UBASH3B: variants seen among roughly 807,000 people sequenced by gnomAD.
The protein encoded by UBASH3B is ubiquitin associated and SH3 domain containing B, also known as ubiquitin-associated and SH3 domain-containing protein B.
In UBASH3B, 37 loss-of-function variants were observed where a neutral mutation model predicts 83.4. That is an observed-to-expected ratio of 0.44 (90% CI 0.34 to 0.58). UBASH3B has a LOEUF of 0.58. Ranked by LOEUF, UBASH3B falls within the 20% of genes least tolerant of loss-of-function variation. UBASH3B has a pLI of 0.01. For synonymous variants in UBASH3B, 304 were observed against 318.3 expected, an observed-to-expected ratio of 0.96 and a Z score of 0.48; for missense variants, 657 against 827.2, an observed-to-expected ratio of 0.79 and a Z score of 2.52.
intron 1 of UBASH3B, among the ~76,000 whole-genome samples, chr11:122,728,809 A>G (rs982152558): frequency 2.0e-5 from 3 of 152,260 alleles, no homozygotes; most frequent in Admixed American, 1.3e-4. Flanking sequence ...AACATCTAGC[A>G]CAGGGGCAGA....
intron 6 of UBASH3B, among the ~76,000 whole-genome samples, chr11:122,792,311 TC>T (rs1261432032): frequency 1.3e-5 from 2 of 148,266 alleles, no homozygotes; most frequent in African/African-American, 2.5e-5. Flanking sequence ...TTTTTTTTTT[TC>T]TTTTTTTTTT....
chr11:122,696,413 C>T (rs933289668), intron 1 of UBASH3B, among the ~76,000 whole-genome samples: 3 of 150,452 alleles, frequency 2.0e-5, no homozygotes, highest in South Asian at 2.1e-4. Flanking sequence ...CGGGTTCAAG[C>T]GATTCTCCTG....
intron 1 of UBASH3B, among the ~76,000 whole-genome samples, chr11:122,727,768 C>T (rs775050438): frequency 2.0e-5 from 3 of 152,158 alleles, no homozygotes; most frequent in African/African-American, 4.8e-5. Context: ...CTTGGCAATG[C>T]GGAACTCAGT....
intron 7 of UBASH3B, 85 bp downstream of exon 7, chr11:122,794,919 G>A: frequency 3.2e-6 from 5 of 1,562,404 alleles, no homozygotes; most frequent in Non-Finnish European, 3.5e-6. Flanking sequence ...CCTTGCCCTT[G>A]CTGTCTCCAA....
intron 1 of UBASH3B, among the ~76,000 whole-genome samples, chr11:122,728,135 G>A (rs1192361364): frequency 6.6e-6 from 1 of 152,158 alleles, no homozygotes; most frequent in Non-Finnish European, 1.5e-5. Context: ...ACCACACCCG[G>A]CCTTAGCCCA....
At chr11:122,683,924 G>A (rs1241403943) in intron 1 of UBASH3B, among the ~76,000 whole-genome samples, 1 of 152,090 alleles carries the variant, frequency 6.6e-6, no homozygotes, top group East Asian at 1.9e-4. Context: ...CCATAGCCCA[G>A]ATTATGCTGA....
intron 1 of UBASH3B, among the ~76,000 whole-genome samples, chr11:122,705,035 G>A (rs943861298): frequency 2.6e-5 from 4 of 152,160 alleles, no homozygotes; most frequent in Non-Finnish European, 5.9e-5. Context: ...GCACTAACCT[G>A]GCCAACATAT....
At chr11:122,728,239 A>ACGTGG (rs1860779202) in intron 1 of UBASH3B, among the ~76,000 whole-genome samples, 2 of 152,058 alleles carry the variant, frequency 1.3e-5, no homozygotes, top group Admixed American at 1.3e-4. Flanking sequence ...GGGAATATTT[A>ACGTGG]GCCGTCCACG....
intron 1 of UBASH3B, among the ~76,000 whole-genome samples, chr11:122,683,594 G>A (rs2135911504): frequency 1.1e-5 from 1 of 87,026 alleles, no homozygotes; most frequent in East Asian, 3.3e-4. Context: ...GACAGAGCGA[G>A]ACTCCTTCTC....
At chr11:122,721,011 C>T (rs988018641) in intron 1 of UBASH3B, among the ~76,000 whole-genome samples, 5 of 151,728 alleles carry the variant, frequency 3.3e-5, no homozygotes, top group Non-Finnish European at 5.9e-5. Flanking sequence ...TTTGGGAGGC[C>T]GAGGTGGGCA....
In UBASH3B at chr11:122,778,569, T is replaced by C. The variant is rs201572490; in HGVS notation, c.403-928T>C. Reference sequence around the variant, plus strand: ...ACATTCCTTCATTTTTTTTTTTTTTTCACAAGCAAGGAGAACTTTGATTTT... The same window carrying C: ...ACATTCCTTCATTTTTTTTTTTTTTCCACAAGCAAGGAGAACTTTGATTTT... On this transcript the variant is annotated intron_variant, in intron 3 of 13. Coordinates refer to ENST00000284273, the MANE Select transcript of UBASH3B (RefSeq NM_032873.5). Among the ~76,000 whole-genome samples, 458 of 151,236 alleles carry C rather than the reference T, an allele frequency of 3.0e-3. 4 individuals are homozygous for C. Among genetic ancestry groups the C allele is most frequent in the East Asian group, 0.019 (97 of 5,164 alleles).
intron 4 of UBASH3B, 108 bp from the exon 5 acceptor site, chr11:122,782,945 T>A: frequency 1.5e-6 from 2 of 1,325,066 alleles, no homozygotes; most frequent in South Asian, 2.9e-5. Flanking sequence ...TTCTTTGTTA[T>A]GTGGGAAGCA....
intron 3 of UBASH3B, among the ~76,000 whole-genome samples, chr11:122,778,037 A>G (rs556671899): frequency 1.3e-5 from 2 of 152,156 alleles, no homozygotes; most frequent in Non-Finnish European, 2.9e-5. Flanking sequence ...GCCTCTACTG[A>G]CCAAATATAA....
At chr11:122,704,110 G>T (rs1565535187) in intron 1 of UBASH3B, among the ~76,000 whole-genome samples, 1 of 152,216 alleles carries the variant, frequency 6.6e-6, no homozygotes, top group Non-Finnish European at 1.5e-5. Context: ...GGCAGCAAGT[G>T]CTTTATAAGC....
chr11:122,801,385 A>G, intron 11 of UBASH3B, 53 bp downstream of exon 11: 2 of 1,597,812 alleles, frequency 1.3e-6, no homozygotes, highest in South Asian at 1.1e-5. Context: ...TGCTTTCTGC[A>G]CTAGCACTAG....
chr11:122,728,401 G>T (rs1270107601), intron 1 of UBASH3B, among the ~76,000 whole-genome samples: 1 of 152,166 alleles, frequency 6.6e-6, no homozygotes, highest in Non-Finnish European at 1.5e-5. Flanking sequence ...GCAGGTCGGG[G>T]GATTGGGAAT....
At chr11:122,756,342 A>C (rs1861282246) in intron 1 of UBASH3B, among the ~76,000 whole-genome samples, 1 of 152,208 alleles carries the variant, frequency 6.6e-6, no homozygotes, top group Admixed American at 6.5e-5. Context: ...TTTAAGCCTC[A>C]GCTTCCTGGT....
chr11:122,702,985 C>A (rs1864063505), intron 1 of UBASH3B, among the ~76,000 whole-genome samples: 1 of 152,194 alleles, frequency 6.6e-6, no homozygotes, highest in African/African-American at 2.4e-5. Context: ...ATTCTATAAA[C>A]AAATTGGACA....
chr11:122,788,144 T>C (rs1565565835), intron 5 of UBASH3B, among the ~76,000 whole-genome samples: 1 of 152,200 alleles, frequency 6.6e-6, no homozygotes, highest in Non-Finnish European at 1.5e-5. Flanking sequence ...GTAAGAACGT[T>C]TTCTCCATCT....
Sources: gnomAD v4.1 joint callset for allele counts (sites outside exome capture counted in the v4.1 genomes callset) on GRCh38, gnomAD v4.1.1 for gene constraint, MANE v1.5 for transcripts, NCBI Gene and HGNC (gene_info 2026-07-23, HGNC 2026-07-21) for gene names.